Variants in CRYBA4 observed in about 807,000 individuals in gnomAD.
CRYBA4 encodes the protein beta-crystallin A4.
Under a neutral mutation model 31.7 loss-of-function variants are expected in CRYBA4, and 30 were observed. The observed-to-expected ratio is 0.95, with a 90% CI of 0.71 to 1.28. The LOEUF (loss-of-function observed/expected upper bound fraction) is 1.28. Among genes scored for constraint, CRYBA4 ranks in the 50% most tolerant of loss-of-function variants. CRYBA4 has a pLI of 0.00. For synonymous variants in CRYBA4, 102 were observed against 102.3 expected (o/e 1.00, Z 0.02); for missense variants, 225 against 260.7 (o/e 0.86, Z 0.94).
chr22:26,626,797 T>G (rs1929715834), intron 4 of CRYBA4, among the ~76,000 whole-genome samples: 1 of 152,222 alleles, frequency 6.6e-6, no homozygotes, highest in Non-Finnish European at 1.5e-5. Context: ...CATTTGTGTC[T>G]CTATGTATAT....
chr22:26,603,746 A>C, the CRYBA4 span, among the ~76,000 whole-genome samples: 1 of 112,814 alleles, frequency 8.9e-6, no homozygotes, highest in Non-Finnish European at 1.8e-5. Context: ...TCTACTAAAA[A>C]TACAAAATAA....
At chr22:26,627,382 TTCTTTCTTTC>T (rs1173670829) in intron 4 of CRYBA4, among the ~76,000 whole-genome samples, 1 of 75,470 alleles carries the variant, frequency 1.3e-5, no homozygotes, top group African/African-American at 9.0e-5. Context: ...CTTTCTTTCT[TTCTTTCTTTC>T]TTTCTTTCTT....
intron 4 of CRYBA4, among the ~76,000 whole-genome samples, chr22:26,626,983 C>T (rs1459330855): frequency 6.6e-6 from 1 of 152,116 alleles, no homozygotes; most frequent in Admixed American, 6.6e-5. Flanking sequence ...ATCTCACTTC[C>T]ATCGTTTTTC....
chr22:26,628,295 G>A lies in CRYBA4; in HGVS notation c.308G>A (p.Arg103His), dbSNP rs764511323. 8 of 1,613,878 alleles carry A rather than the reference G, an allele frequency of 5.0e-6. No individual in the cohort carries two copies. The highest frequency in any genetic ancestry group is 1.7e-5 in the Admixed American group (1 of 59,998). Residue 103 changes from arginine to histidine, a missense_variant, in exon 5 of 6, where the codon CGT (arginine) becomes CAT (histidine). Arg to His is a conservative substitution (Grantham distance 29, BLOSUM62 0). Coordinates refer to ENST00000354760, the MANE Select transcript of CRYBA4 (RefSeq NM_001886.3). ...SFRPAACANH[R>H]DSRLTIFEQE... ...TGTTCCCTGTTCCTGTAGAACCACC[G>A]TGACTCGAGGCTGACAATCTTCGAG...
rs1929887167 is a variant in CRYBA4 at position 26,630,340 on chromosome 22, C to T, written c.444C>T (p.Ala148=). 6.2e-7 allele frequency: 1 copy of T among 1,614,052 alleles called. No individual in the cohort carries two copies. Among genetic ancestry groups the T allele is most frequent in the Non-Finnish European group, 8.5e-7 (1 of 1,179,998 alleles). ...EVGSFHVHSG[A]WVCSQFPGYR... is the part of the protein sequence containing the mutation. ...ACTGTCTGCCTTTTCTCTTTTCCAG[C>T]TGGGTTTGCTCCCAGTTTCCGGGCT... Residue 148 remains alanine, a splice_region_variant and synonymous_variant, in exon 6 of 6, where the codon GCC becomes GCT. Coordinates refer to ENST00000354760, the MANE Select transcript of CRYBA4 (RefSeq NM_001886.3).
chr22:26,601,330 C>T, the CRYBA4 span, among the ~76,000 whole-genome samples: 2 of 152,032 alleles, frequency 1.3e-5, no homozygotes, highest in Admixed American at 6.6e-5. Context: ...AGATCCTGAG[C>T]GTTCAGAGCA....
chr22:26,606,856 A>T, the CRYBA4 span, among the ~76,000 whole-genome samples: 1 of 152,194 alleles, frequency 6.6e-6, no homozygotes, highest in African/African-American at 2.4e-5. Context: ...ATGACTCATC[A>T]TCAACTTAAT....
chr22:26,623,327 C>T lies in CRYBA4; in HGVS notation c.133C>T (p.Arg45Ter), dbSNP rs142869513. 23 of 1,613,814 alleles carry T rather than the reference C, an allele frequency of 1.4e-5. No homozygotes were observed. The highest frequency in any genetic ancestry group is 1.6e-4 in the Middle Eastern group (1 of 6,070). Residue 45 changes from arginine to a stop codon, truncating the protein, a stop_gained, in exon 3 of 6, where the codon CGA becomes TGA. Transcript: ENST00000354760. LOFTEE classifies it high-confidence loss of function. ...GCTGGAGCTTGGCTTCGAGACTGTG[C>T]GATCTTTGAAAGTGCTGAGTGGAGC... ...SVLELGFETV[R>*]SLKVLSGAWV...
chr22:26,628,648 G>C (rs1349643078), intron 5 of CRYBA4, among the ~76,000 whole-genome samples: 4 of 152,098 alleles, frequency 2.6e-5, no homozygotes, highest in Non-Finnish European at 5.9e-5. Flanking sequence ...CCTGTAATTA[G>C]CTTCAAGCAT....
the CRYBA4 span, among the ~76,000 whole-genome samples, chr22:26,592,379 C>G: frequency 6.6e-6 from 1 of 152,218 alleles, no homozygotes; most frequent in African/African-American, 2.4e-5. Flanking sequence ...AACAAGCCTT[C>G]ACAGTAAAGT....
In CRYBA4 at chr22:26,628,543, G is replaced by C. The variant is rs1929822297; in HGVS notation, c.443+113G>C. 6 of 1,273,198 alleles carry C rather than the reference G, an allele frequency of 4.7e-6. 1 individual carries two copies. In the South Asian group the frequency reaches 7.9e-5, roughly 17 times the overall value. The allele number at this position is 1,273,198 out of a possible 1,614,324, so 78.9% of individuals were successfully genotyped here. A position where few individuals can be genotyped will look rare whatever the true frequency, so the allele number is the denominator to read the frequency against. ...TTTGTGCTCTGATGCCCACATTCCA[G>C]AGGAGAACACTGAGGCACAGGGAGG... On this transcript the variant is annotated intron_variant, in intron 5 of 5. Transcript: ENST00000354760.
Position 26,627,408 on chromosome 22 carries a change from C to CT in CRYBA4, c.301-877dup, listed in dbSNP as rs1166074064. Among the ~76,000 whole-genome samples, 7 of 79,284 alleles carry CT rather than the reference C, an allele frequency of 8.8e-5. No individual in the cohort carries two copies. In the East Asian group the frequency reaches 3.6e-3, roughly 41 times the overall value. 52.0% of individuals were successfully genotyped at this position (79,284 alleles called of 152,430 possible). On this transcript the variant is annotated intron_variant, in intron 4 of 5. Coordinates refer to ENST00000354760, the MANE Select transcript of CRYBA4 (RefSeq NM_001886.3). ...TCTTTCTTTCTTTCTTTCTTTCTTTCTTTCTTTCTTTCTTTCTTTTTCTTT... is the reference window on the plus strand; with the variant it reads ...TCTTTCTTTCTTTCTTTCTTTCTTTCTTTTCTTTCTTTCTTTCTTTTTCTTT...
the CRYBA4 span, among the ~76,000 whole-genome samples, chr22:26,599,925 AAATGGAG>A: frequency 6.6e-6 from 1 of 152,220 alleles, no homozygotes; most frequent in Non-Finnish European, 1.5e-5. Flanking sequence ...GGGGGGGACC[AAATGGAG>A]AATGCACCTC....
chr22:26,627,262 C>G (rs1214720691), intron 4 of CRYBA4, among the ~76,000 whole-genome samples: 1 of 151,702 alleles, frequency 6.6e-6, no homozygotes, highest in African/African-American at 2.4e-5. Flanking sequence ...TGCCTCCTAG[C>G]AGGAAGGATT....
the CRYBA4 span, among the ~76,000 whole-genome samples, chr22:26,607,559 G>GC: frequency 1.1e-5 from 1 of 94,262 alleles, no homozygotes; most frequent in Non-Finnish European, 2.3e-5. Flanking sequence ...CCCATCTTTG[G>GC]GAAAAAAAAA....
chr22:26,623,394 G>A, intron 3 of CRYBA4, 42 bp downstream of exon 3: 1 of 1,493,438 alleles, frequency 6.7e-7, no homozygotes, highest in Non-Finnish European at 9.3e-7. Flanking sequence ...AGGGTGGACA[G>A]GAAGGGACCT....
chr22:26,605,671 C>CAAAAAAAAAAAAAA, the CRYBA4 span, among the ~76,000 whole-genome samples: 1 of 54,198 alleles, frequency 1.8e-5, no homozygotes, highest in African/African-American at 6.9e-5. Flanking sequence ...AGATGTGTCT[C>CAAAAAAAAAAAAAA]AAAAAAAAAA....
chr22:26,605,201 C>T, the CRYBA4 span, among the ~76,000 whole-genome samples: 1 of 152,052 alleles, frequency 6.6e-6, no homozygotes, highest in Non-Finnish European at 1.5e-5. Flanking sequence ...CTTCTGCTTT[C>T]CTAGTTAGAT....
intron 4 of CRYBA4, among the ~76,000 whole-genome samples, chr22:26,626,362 C>T (rs1026484163): frequency 6.6e-6 from 1 of 152,218 alleles, no homozygotes; most frequent in African/African-American, 2.4e-5. Context: ...CAAGATCGCA[C>T]CACTGCATTC....
Sources: gnomAD v4.1 joint callset for allele counts (sites outside exome capture counted in the v4.1 genomes callset) on GRCh38, gnomAD v4.1.1 for gene constraint, MANE v1.5 for transcripts, NCBI Gene and HGNC (gene_info 2026-07-23, HGNC 2026-07-21) for gene names.